The following ITGA9 variants were observed in gnomAD, a reference collection of about 807,000 sequenced individuals.
ITGA9 encodes the protein integrin alpha-9.
ITGA9 carries 56 observed loss-of-function variants against 127.8 expected under a neutral mutation model. The ratio of observed to expected loss-of-function variants is 0.44; its 90% CI spans 0.35 to 0.55. The LOEUF (loss-of-function observed/expected upper bound fraction) is 0.55. Among genes scored for constraint, ITGA9 ranks in the 20% least tolerant of loss-of-function variants. The pLI, the probability that ITGA9 is intolerant of heterozygous loss-of-function variation, is 0.00. For synonymous variants in ITGA9, 508 were observed against 514.5 expected (o/e 0.99, Z 0.17); for missense variants, 1,196 against 1,347.1 (o/e 0.89, Z 1.76).
rs569365091 is a variant in ITGA9 at position 37,667,782 on chromosome 3, C to T, written c.1916+13992C>T. Among the ~76,000 whole-genome samples the T allele has an allele frequency of 2.0e-5, 3 of 152,300 alleles. No individual in the cohort carries two copies. In the South Asian group the frequency reaches 6.2e-4, roughly 32 times the overall value. On this transcript the variant is annotated intron_variant, in intron 17 of 27. Transcript: ENST00000264741. The stretch of plus-strand genomic sequence containing the variant: ...AGCTGACAGACAGGGATTAGAGTCA[C>T]TTATCTGAGGTCAAAAAAATTAAAT...
At chr3:37,537,362 C>G (rs1041646571) in intron 14 of ITGA9, among the ~76,000 whole-genome samples, 1 of 152,154 alleles carries the variant, frequency 6.6e-6, no homozygotes, top group Non-Finnish European at 1.5e-5. Flanking sequence ...CAGGCTCCCT[C>G]CGATGCTCCA....
chr3:37,517,148 A>T lies in ITGA9; in HGVS notation c.1036-356A>T, dbSNP rs138638651. ...CCTTTTAAAACAACATTGGGGAAAAAGTGCTATGCCTTAAGGACGTGGAGA... is the reference window on the plus strand; with the variant it reads ...CCTTTTAAAACAACATTGGGGAAAATGTGCTATGCCTTAAGGACGTGGAGA... On this transcript the variant is annotated intron_variant, in intron 9 of 27. Transcript: ENST00000264741. 2.4e-3 allele frequency among the ~76,000 whole-genome samples: 369 copies of T among 152,328 alleles called. 2 individuals are homozygous for T. Among genetic ancestry groups the T allele is most frequent in the African/African-American group, 8.5e-3 (352 of 41,580 alleles).
chr3:37,583,680 G>A (rs1291144516), intron 15 of ITGA9, among the ~76,000 whole-genome samples: 2 of 152,196 alleles, frequency 1.3e-5, no homozygotes, highest in African/African-American at 4.8e-5. Flanking sequence ...GATTCGATTT[G>A]TTGATCCCTT....
intron 15 of ITGA9, among the ~76,000 whole-genome samples, chr3:37,549,883 G>A (rs537625610): frequency 1.2e-4 from 18 of 152,160 alleles, no homozygotes; most frequent in African/African-American, 3.9e-4. Context: ...GGAAAAGTGA[G>A]GTATAATAAT....
At chr3:37,574,047 T>C (rs1699628905) in intron 15 of ITGA9, among the ~76,000 whole-genome samples, 1 of 152,284 alleles carries the variant, frequency 6.6e-6, no homozygotes, top group Non-Finnish European at 1.5e-5. Flanking sequence ...AAAAGTTCCA[T>C]GTACTATCTA....
intron 18 of ITGA9, among the ~76,000 whole-genome samples, chr3:37,711,694 G>C (rs1701081416): frequency 6.6e-6 from 1 of 152,216 alleles, no homozygotes; most frequent in South Asian, 2.1e-4. Context: ...GTGAGCCAGT[G>C]CACCTTGCCT....
At chr3:37,702,204 C>T (rs182837858) in intron 18 of ITGA9, among the ~76,000 whole-genome samples, 368 of 152,234 alleles carry the variant, frequency 2.4e-3, no homozygotes, top group Non-Finnish European at 3.4e-3. Context: ...TCACAATGAG[C>T]CATTATAAAA....
intron 15 of ITGA9, among the ~76,000 whole-genome samples, chr3:37,620,349 C>G (rs1013140721): frequency 2.0e-5 from 3 of 152,182 alleles, no homozygotes; most frequent in African/African-American, 7.2e-5. Flanking sequence ...GCTCTCCTTC[C>G]CTGTCCATAG....
chr3:37,645,562 C>CA (rs565400413), intron 16 of ITGA9, among the ~76,000 whole-genome samples: 32 of 148,488 alleles, frequency 2.2e-4, no homozygotes, highest in South Asian at 1.1e-3. Context: ...AGACTCATCT[C>CA]AAAAAAAAAA....
intron 4 of ITGA9, among the ~76,000 whole-genome samples, chr3:37,493,496 C>T (rs557843716): frequency 1.4e-4 from 21 of 152,290 alleles, no homozygotes; most frequent in African/African-American, 3.8e-4. Context: ...AACATCTCTC[C>T]ACCTCCTTGA....
intron 16 of ITGA9, among the ~76,000 whole-genome samples, chr3:37,642,443 C>T (rs939617447): frequency 6.6e-6 from 1 of 152,180 alleles, no homozygotes; most frequent in African/African-American, 2.4e-5. Context: ...GTTGAAAGAG[C>T]CCTTCTGGAA....
chr3:37,781,137 C>T (rs1696971661), intron 25 of ITGA9, among the ~76,000 whole-genome samples: 1 of 152,222 alleles, frequency 6.6e-6, no homozygotes, highest in African/African-American at 2.4e-5. Context: ...ATCAGAATCA[C>T]CTGGAGATCT....
At chr3:37,745,763 GAAGGT>G (rs1411336710) in intron 22 of ITGA9, 1 of 148,512 alleles carries the variant, frequency 6.7e-6, no homozygotes, top group Admixed American at 6.6e-5. Flanking sequence ...TTGTTTCTCT[GAAGGT>G]AATTTTTACA....
intron 1 of ITGA9, among the ~76,000 whole-genome samples, chr3:37,463,738 G>A (rs1258981746): frequency 6.6e-6 from 1 of 152,188 alleles, no homozygotes; most frequent in African/African-American, 2.4e-5. Context: ...GGGGAATTGT[G>A]GCCACTTTGT....
intron 15 of ITGA9, among the ~76,000 whole-genome samples, chr3:37,627,311 G>C (rs1559552903): frequency 6.6e-6 from 1 of 152,110 alleles, no homozygotes; most frequent in Non-Finnish European, 1.5e-5. Flanking sequence ...TCACAGCTCA[G>C]CAGCCACAGG....
intron 13 of ITGA9, among the ~76,000 whole-genome samples, chr3:37,526,901 T>C (rs1195533601): frequency 6.6e-6 from 1 of 152,214 alleles, no homozygotes; most frequent in African/African-American, 2.4e-5. Flanking sequence ...CACAGCCTCC[T>C]GTTTGAGTGA....
At chr3:37,481,702 A>G in intron 4 of ITGA9, 95 bp downstream of exon 4, 1 of 1,486,364 alleles carries the variant, frequency 6.7e-7, no homozygotes, top group South Asian at 1.1e-5. Flanking sequence ...ACATTTCCCC[A>G]GCTTTCCACA....
intron 15 of ITGA9, among the ~76,000 whole-genome samples, chr3:37,616,214 T>C (rs1405938807): frequency 6.6e-5 from 10 of 152,102 alleles, no homozygotes; most frequent in Non-Finnish European, 1.0e-4. Flanking sequence ...GCCTTCATTT[T>C]GTTATGTACC....
Position 37,590,637 on chromosome 3 carries a change from C to A in ITGA9, c.1690-38550C>A, listed in dbSNP as rs535085382. ...TACCCACCCTGCCCCTTGGCACTGG[C>A]TTGGGCGGCCTTGTCTGGTGCTGGA... On this transcript the variant is annotated intron_variant, in intron 15 of 27. Coordinates refer to ENST00000264741, the MANE Select transcript of ITGA9 (RefSeq NM_002207.3). Among the ~76,000 whole-genome samples the A allele has an allele frequency of 1.3e-4, 20 of 151,634 alleles. No homozygotes were observed. The East Asian group carries it at 3.7e-3, about 28-fold the overall frequency.
Sources: gnomAD v4.1 joint callset for allele counts (sites outside exome capture counted in the v4.1 genomes callset) on GRCh38, gnomAD v4.1.1 for gene constraint, MANE v1.5 for transcripts, NCBI Gene and HGNC (gene_info 2026-07-23, HGNC 2026-07-21) for gene names.